Variants in NRXN3 observed in about 807,000 individuals in gnomAD.
NRXN3 encodes neurexin III.
In NRXN3, 32 loss-of-function variants were observed where a neutral mutation model predicts 137.6. The observed-to-expected ratio is 0.23, with a 90% CI of 0.18 to 0.31. NRXN3 has a LOEUF of 0.31. NRXN3 is among the 10% of genes least tolerant of loss of function. The pLI, the probability that NRXN3 is intolerant of heterozygous loss-of-function variation, is 1.00. For synonymous variants in NRXN3, 798 were observed against 784.5 expected (o/e 1.02, Z -0.29); for missense variants, 1,574 against 2,062.5 (o/e 0.76, Z 4.59).
intron 4 of NRXN3, among the ~76,000 whole-genome samples, chr14:78,615,471 T>C (rs1017516712): frequency 3.0e-4 from 45 of 149,788 alleles, no homozygotes; most frequent in African/African-American, 1.1e-3. Context: ...ATTAGTCTGT[T>C]GTGGTGGCGG....
At chr14:78,208,945 T>G (rs577932952) in intron 1 of NRXN3, among the ~76,000 whole-genome samples, 2 of 152,282 alleles carry the variant, frequency 1.3e-5, no homozygotes, top group South Asian at 4.2e-4. Flanking sequence ...CAGTATCTCC[T>G]GTAGTAGATG....
intron 8 of NRXN3, among the ~76,000 whole-genome samples, chr14:78,790,722 T>C (rs2098802813): frequency 6.6e-6 from 1 of 152,068 alleles, no homozygotes; most frequent in South Asian, 2.1e-4. Flanking sequence ...GTGAGGGATG[T>C]GATAATTTGG....
chr14:79,505,713 T>C (rs942065288), intron 16 of NRXN3, among the ~76,000 whole-genome samples: 1 of 152,228 alleles, frequency 6.6e-6, no homozygotes, highest in Non-Finnish European at 1.5e-5. Flanking sequence ...TGCAGATGTT[T>C]TATGTTTTAT....
chr14:78,215,111 G>C (rs971515076), intron 1 of NRXN3, among the ~76,000 whole-genome samples: 3 of 152,172 alleles, frequency 2.0e-5, no homozygotes, highest in Admixed American at 6.5e-5. Context: ...CCACGTCTTA[G>C]TATTTTCAAA....
intron 6 of NRXN3, among the ~76,000 whole-genome samples, chr14:78,670,742 A>G (rs1161204943): frequency 6.6e-6 from 1 of 152,200 alleles, no homozygotes; most frequent in African/African-American, 2.4e-5. Flanking sequence ...TGGGTATGAG[A>G]AGACCAACAA....
chr14:78,938,388 G>A (rs1314716023), intron 10 of NRXN3, among the ~76,000 whole-genome samples: 1 of 152,132 alleles, frequency 6.6e-6, no homozygotes, highest in African/African-American at 2.4e-5. Context: ...TCCTTTACCT[G>A]ATGTTTTTAG....
chr14:79,523,642 G>T (rs1304029062), intron 16 of NRXN3, among the ~76,000 whole-genome samples: 4 of 152,010 alleles, frequency 2.6e-5, no homozygotes, highest in Non-Finnish European at 5.9e-5. Flanking sequence ...TTGTCAAAAT[G>T]GAAGGAAAAA....
intron 15 of NRXN3, among the ~76,000 whole-genome samples, chr14:79,349,545 T>TACACACAC (rs71131694): frequency 5.9e-4 from 81 of 137,694 alleles, no homozygotes; most frequent in African/African-American, 1.9e-3. Flanking sequence ...GAAAAAAAAA[T>TACACACAC]ACACACACAC....
chr14:78,708,669 C>G (rs564583394), intron 6 of NRXN3: 1 of 153,058 alleles, frequency 6.5e-6, no homozygotes, highest in Non-Finnish European at 1.5e-5. Context: ...AATGCCCCCA[C>G]GCCCCCACAC....
At chr14:79,791,763 A>G (rs753895499) in intron 19 of NRXN3, among the ~76,000 whole-genome samples, 39 of 152,176 alleles carry the variant, frequency 2.6e-4, no homozygotes, top group Non-Finnish European at 5.3e-4. Flanking sequence ...TTTATCAAGA[A>G]TAGAACAAGC....
At chr14:79,617,836 A>T (rs1475931928) in intron 16 of NRXN3, among the ~76,000 whole-genome samples, 1 of 151,338 alleles carries the variant, frequency 6.6e-6, no homozygotes, top group Non-Finnish European at 1.5e-5. Context: ...TTGAGAACTG[A>T]GTATTATAAA....
At chr14:79,551,875 A>C (rs2097375749) in intron 16 of NRXN3, among the ~76,000 whole-genome samples, 1 of 152,186 alleles carries the variant, frequency 6.6e-6, no homozygotes, top group Admixed American at 6.5e-5. Context: ...ATTTGATGTC[A>C]GAAGAAGCTA....
chr14:78,436,090 G>A (rs2094055860), intron 4 of NRXN3, among the ~76,000 whole-genome samples: 1 of 152,192 alleles, frequency 6.6e-6, no homozygotes. Flanking sequence ...AGTGCTTGGT[G>A]AAAACCCTGG....
chr14:79,315,086 T>C (rs76649312), intron 15 of NRXN3, among the ~76,000 whole-genome samples: 56 of 152,214 alleles, frequency 3.7e-4, no homozygotes, highest in African/African-American at 1.3e-3. Context: ...TCCCAGGTGA[T>C]AATGTATCTA....
At chr14:79,851,790 A>G (rs569333378) in intron 20 of NRXN3, among the ~76,000 whole-genome samples, 1 of 152,164 alleles carries the variant, frequency 6.6e-6, no homozygotes, top group Non-Finnish European at 1.5e-5. Flanking sequence ...TTTCTTCTAC[A>G]GTATCTTCCT....
chr14:79,058,870 C>T (rs904127942), intron 15 of NRXN3, among the ~76,000 whole-genome samples: 1 of 152,156 alleles, frequency 6.6e-6, no homozygotes, highest in Non-Finnish European at 1.5e-5. Flanking sequence ...CTCCTGCTAC[C>T]ATGTGAGAAG....
At chr14:78,318,149 T>C (rs1271091317) in intron 4 of NRXN3, among the ~76,000 whole-genome samples, 1 of 152,142 alleles carries the variant, frequency 6.6e-6, no homozygotes, top group Non-Finnish European at 1.5e-5. Context: ...GAGAAGGGGA[T>C]GTCAAAGAGG....
chr14:78,231,398 T>A (rs1337749143), intron 1 of NRXN3: 1 of 152,316 alleles, frequency 6.6e-6, no homozygotes, highest in Admixed American at 6.5e-5. Flanking sequence ...GCACTACTCA[T>A]GTAGTAATGT....
At chr14:79,438,314 G>A (rs955230943) in intron 15 of NRXN3, among the ~76,000 whole-genome samples, 2 of 152,182 alleles carry the variant, frequency 1.3e-5, no homozygotes, top group African/African-American at 2.4e-5. Context: ...TCCTGGTTGA[G>A]TTTGTTAATA....
Sources: allele counts gnomAD v4.1 joint callset (sites outside exome capture counted in the v4.1 genomes callset), GRCh38; gene constraint gnomAD v4.1.1; transcripts MANE v1.5; gene names NCBI Gene and HGNC (gene_info 2026-07-23, HGNC 2026-07-21).